GNG4: variants seen among roughly 807,000 people sequenced by gnomAD.
GNG4 encodes the protein guanine nucleotide-binding protein G(I)/G(S)/G(O) subunit gamma-4.
In GNG4, 4 loss-of-function variants were observed where a neutral mutation model predicts 5.8. That is an observed-to-expected ratio of 0.69 (90% CI 0.34 to 1.57). The LOEUF is 1.57. Among genes scored for constraint, GNG4 ranks in the 40% most tolerant of loss-of-function variants. The pLI is 0.06. For missense variants in GNG4, 96 were observed against 95.1 expected (o/e 1.01, Z -0.04); for synonymous variants, 29 against 32.9 (o/e 0.88, Z 0.41).
chr1:235,630,977 C>A (rs1429192787), intron 1 of GNG4, among the ~76,000 whole-genome samples: 3 of 151,972 alleles, frequency 2.0e-5, no homozygotes, highest in Middle Eastern at 3.2e-3. Flanking sequence ...CGGCTCACTG[C>A]AAGCTCTGCC....
intron 1 of GNG4, among the ~76,000 whole-genome samples, chr1:235,620,420 C>T (rs1248329668): frequency 1.3e-5 from 2 of 152,188 alleles, no homozygotes; most frequent in Non-Finnish European, 2.9e-5. Context: ...CAGTCCTAGT[C>T]GGAACTTAGT....
intron 1 of GNG4, among the ~76,000 whole-genome samples, chr1:235,643,030 C>A (rs909904319): frequency 6.6e-6 from 1 of 152,190 alleles, no homozygotes; most frequent in Non-Finnish European, 1.5e-5. Context: ...CCCCGACTGA[C>A]GCTGGGGCCG....
intron 3 of GNG4, among the ~76,000 whole-genome samples, chr1:235,558,901 A>T (rs1354667616): frequency 6.6e-6 from 1 of 152,220 alleles, no homozygotes; most frequent in Non-Finnish European, 1.5e-5. Flanking sequence ...GTGGAATTTT[A>T]CCATCACATT....
At chr1:235,559,250 T>A (rs1686996004) in intron 3 of GNG4, among the ~76,000 whole-genome samples, 1 of 152,214 alleles carries the variant, frequency 6.6e-6, no homozygotes. Flanking sequence ...GCAGCCAGCA[T>A]GGTGTAACGG....
intron 3 of GNG4, among the ~76,000 whole-genome samples, chr1:235,574,904 A>AACCTCC: frequency 1.3e-5 from 2 of 152,252 alleles, no homozygotes; most frequent in East Asian, 3.9e-4. Context: ...AGCTCACTGC[A>AACCTCC]ACCTCCACCT....
At position 235,625,619 on chromosome 1, in the gene GNG4, C is replaced by G. The variant is rs543317910; in HGVS notation, c.-123+24043G>C. Among the ~76,000 whole-genome samples, 3 of 152,168 alleles carry G rather than the reference C, an allele frequency of 2.0e-5. No individual in the cohort carries two copies. In the South Asian group the frequency reaches 6.2e-4, roughly 32 times the overall value. On this transcript the variant is annotated intron_variant, in intron 1 of 3. Transcript: ENST00000391854. Reference sequence around the variant, plus strand: ...GCAGGAGGTGCCTCCACCACAGCAACCACTGATCTTTATACTGATTCCATA... The same window carrying G: ...GCAGGAGGTGCCTCCACCACAGCAAGCACTGATCTTTATACTGATTCCATA...
At chr1:235,570,895 T>G in intron 3 of GNG4, among the ~76,000 whole-genome samples, 1 of 128,982 alleles carries the variant, frequency 7.8e-6, no homozygotes, top group East Asian at 2.2e-4. Context: ...TGTATGTATA[T>G]ATGTGTGTGT....
rs1446156774 is a variant in GNG4, at chr1:235,583,829, C to T, written c.10G>A (p.Gly4Ser). 4 of 1,611,624 alleles carry T rather than the reference C, an allele frequency of 2.5e-6. No homozygotes were observed. The highest frequency in any genetic ancestry group is 2.5e-6 in the Non-Finnish European group (3 of 1,177,986). Residue 4 changes from glycine (G) to serine (S), a missense_variant, in exon 3 of 4, where the codon GGC becomes AGC. Coordinates refer to ENST00000391854, the MANE Select transcript of GNG4 (RefSeq NM_001098722.2). ...CTAGTGGTGCTGTTATTAGACATGCCCTCTTTCATTCTACTGCCCCTAGAA... is the reference window on the plus strand; with the variant it reads ...CTAGTGGTGCTGTTATTAGACATGCTCTCTTTCATTCTACTGCCCCTAGAA... MKE[G>S]MSNNSTTSIS...
intron 3 of GNG4, among the ~76,000 whole-genome samples, chr1:235,580,364 G>A (rs1051942087): frequency 6.6e-6 from 1 of 152,180 alleles, no homozygotes; most frequent in Non-Finnish European, 1.5e-5. Context: ...TATTGTGAAT[G>A]TACCTAATAC....
At chr1:235,587,592 AGTGTGGGAGG>A in intron 2 of GNG4, among the ~76,000 whole-genome samples, 1 of 722 alleles carries the variant, frequency 1.4e-3, no homozygotes, top group African/African-American at 6.2e-3. Flanking sequence ...GGTGAGTGTG[AGTGTGGGAGG>A]GCATGGGGTG....
chr1:235,586,278 C>T (rs2774339), intron 2 of GNG4, among the ~76,000 whole-genome samples: 62,128 of 151,978 alleles, frequency 0.41, 13,590 homozygotes, highest in East Asian at 0.79. Flanking sequence ...GAACTGTGCA[C>T]GCGTTCCTGC....
intron 2 of GNG4, among the ~76,000 whole-genome samples, chr1:235,592,019 C>A (rs961594363): frequency 2.6e-5 from 4 of 152,170 alleles, no homozygotes; most frequent in African/African-American, 9.7e-5. Flanking sequence ...GTAATAGTAG[C>A]TTAAAACAAT....
intron 1 of GNG4, among the ~76,000 whole-genome samples, chr1:235,613,159 C>T (rs898036535): frequency 3.9e-5 from 6 of 152,116 alleles, no homozygotes; most frequent in African/African-American, 1.4e-4. Context: ...CACCAAAATG[C>T]TGAGAAGTTC....
chr1:235,553,246 C>T (rs1390332798), intron 3 of GNG4, among the ~76,000 whole-genome samples: 1 of 152,150 alleles, frequency 6.6e-6, no homozygotes, highest in Non-Finnish European at 1.5e-5. Flanking sequence ...GGGGTGCGGA[C>T]AAGCATTTGC....
intron 1 of GNG4, among the ~76,000 whole-genome samples, chr1:235,630,156 T>G (rs760718609): frequency 2.0e-5 from 3 of 152,222 alleles, no homozygotes; most frequent in Non-Finnish European, 4.4e-5. Flanking sequence ...CATCTTCACT[T>G]TTACACTTCC....
chr1:235,616,394 G>T, intron 1 of GNG4: 1 of 303,566 alleles, frequency 3.3e-6, no homozygotes, highest in South Asian at 3.3e-5. Flanking sequence ...GATCCAGATT[G>T]GGTAGGGCCC....
chr1:235,571,272 G>C (rs930225967), intron 3 of GNG4, among the ~76,000 whole-genome samples: 4 of 152,332 alleles, frequency 2.6e-5, no homozygotes, highest in Non-Finnish European at 4.4e-5. Flanking sequence ...TAAAGGTTGA[G>C]AGCGAAGGCT....
At chr1:235,622,630 G>A (rs1043910996) in intron 1 of GNG4, among the ~76,000 whole-genome samples, 6 of 151,842 alleles carry the variant, frequency 4.0e-5, no homozygotes, top group African/African-American at 9.7e-5. Context: ...AGGCCGAGGC[G>A]GGTGGATCAC....
In GNG4 at chr1:235,551,854, T is replaced by C. The variant is rs889575255; in HGVS notation, c.*255A>G. ...TAAACTCTTAAGTCCAGACTTACTT[T>C]TACATGGCACATTTGTTATTTGGCT... On this transcript the variant is annotated 3_prime_UTR_variant, in exon 4 of 4. Transcript: ENST00000391854. 4 of 296,572 alleles carry C rather than the reference T, an allele frequency of 1.3e-5. No individual in the cohort carries two copies. Among genetic ancestry groups the C allele is most frequent in the Non-Finnish European group, 2.6e-5 (4 of 156,016 alleles). The allele number at this position is 296,572 out of a possible 1,614,324, so 18.4% of individuals were successfully genotyped here.
Sources: allele counts gnomAD v4.1 joint callset (sites outside exome capture counted in the v4.1 genomes callset), GRCh38; gene constraint gnomAD v4.1.1; transcripts MANE v1.5; gene names NCBI Gene and HGNC (gene_info 2026-07-23, HGNC 2026-07-21).